Variants in ATP1B2 observed in about 807,000 individuals in gnomAD.
The protein encoded by ATP1B2 is sodium/potassium-transporting ATPase subunit beta-2.
Under a neutral mutation model 37.3 loss-of-function variants are expected in ATP1B2, and 12 were observed. The observed-to-expected ratio is 0.32, with a 90% confidence interval of 0.21 to 0.52. The LOEUF is 0.52. Among genes scored for constraint, ATP1B2 ranks in the 20% least tolerant of loss-of-function variants. The probability of loss-of-function intolerance (pLI) is 0.96; values close to 1 mark genes in which losing one functional copy is unlikely to be tolerated. For synonymous variants in ATP1B2, 139 were observed against 140.5 expected (o/e 0.99, Z 0.07); for missense variants, 324 against 391.6 (o/e 0.83, Z 1.46).
At chr17:7,646,724 TG>T (rs2072577933), upstream of ATP1B2, 1 of 152,102 alleles carries the variant, frequency 6.6e-6, no homozygotes, top group African/African-American at 2.4e-5. Flanking sequence ...TGTCTGCAAC[TG>T]AATATGTGAG....
In ATP1B2 at chr17:7,654,972, C is replaced by G. The variant is rs1008661012; in HGVS notation, c.609+288C>G. On this transcript the variant is annotated intron_variant, in intron 5 of 6. Transcript: ENST00000250111. This position sits in a 1 kb window ranked among gnomAD's most constrained non-coding sequence, Gnocchi z 4.9. ...TGGCCTCTGGCTTCTCTCCCTAACG[C>G]TTCCACCTTCTCCTTCATTCCCAGA... is the stretch of plus-strand genomic sequence containing the variant. Among the ~76,000 whole-genome samples, 1 of 152,162 alleles carries G rather than the reference C, an allele frequency of 6.6e-6. No individual in the cohort carries two copies. The highest frequency in any genetic ancestry group is 2.4e-5 in the African/African-American group (1 of 41,432).
chr17:7,654,009 G>A lies in ATP1B2; in HGVS notation c.347-43G>A. On this transcript the variant is annotated intron_variant, in intron 3 of 6. Coordinates refer to ENST00000250111, the MANE Select transcript of ATP1B2 (RefSeq NM_001678.5). The surrounding 1 kb of genome is among the most constrained non-coding windows in gnomAD (Gnocchi z 4.9). ...GGGCAGGGGACTGGGGACCTTGGAA[G>A]TGGAACATCTGGCCCCTGAGTCTCT... 6.2e-7 allele frequency: 1 copy of A among 1,612,620 alleles called. No homozygotes were observed. Among genetic ancestry groups the A allele is most frequent in the Non-Finnish European group, 8.5e-7 (1 of 1,178,652 alleles).
In ATP1B2 at chr17:7,656,041, C is replaced by G; in HGVS notation, c.*146C>G. 3 of 1,124,250 alleles carry G rather than the reference C, an allele frequency of 2.7e-6. No homozygotes were observed. Among genetic ancestry groups the G allele is most frequent in the Non-Finnish European group, 3.7e-6 (3 of 804,772 alleles). 69.6% of individuals were successfully genotyped at this position (1,124,250 alleles called of 1,614,324 possible). ...AGCCTCACATCCTTTTCCTTGACTT[C>G]TCAACCCAGCCTGAAGTCCATTGCG... On this transcript the variant is annotated 3_prime_UTR_variant, in exon 7 of 7. Transcript: ENST00000250111.
At chr17:7,647,506 A>C (rs1209906289), upstream of ATP1B2, among the ~76,000 whole-genome samples, 1 of 152,112 alleles carries the variant, frequency 6.6e-6, no homozygotes, top group African/African-American at 2.4e-5. Context: ...GTTTTTTAAG[A>C]GACCCCCCAT....
chr17:7,650,130 A>C (rs2072600683), upstream of ATP1B2, among the ~76,000 whole-genome samples: 1 of 152,192 alleles, frequency 6.6e-6, no homozygotes, highest in South Asian at 2.1e-4. Flanking sequence ...AGAGGTGCTC[A>C]ATAAATGTTT....
At position 7,656,022 on chromosome 17, in the gene ATP1B2, A is replaced by G; in HGVS notation, c.*127A>G. The G allele has an allele frequency of 3.8e-6, 5 of 1,301,308 alleles. No homozygotes were observed. Among genetic ancestry groups the G allele is most frequent in the Non-Finnish European group, 5.2e-6 (5 of 954,830 alleles). 80.6% of individuals were successfully genotyped at this position (1,301,308 alleles called of 1,614,324 possible). A position where few individuals can be genotyped will look rare whatever the true frequency, so the allele number is the denominator to read the frequency against. On this transcript the variant is annotated 3_prime_UTR_variant, in exon 7 of 7. Transcript: ENST00000250111. The stretch of plus-strand genomic sequence containing the variant: ...CAGAGCTATGACTTGTCTGAGCCTC[A>G]CATCCTTTTCCTTGACTTCTCAACC...
chr17:7,648,652 G>A (rs1372581529), upstream of ATP1B2, among the ~76,000 whole-genome samples: 1 of 150,920 alleles, frequency 6.6e-6, no homozygotes, highest in Non-Finnish European at 1.5e-5. Flanking sequence ...TTGAACAAGG[G>A]TCCCTGCATT....
rs1001528461 is a variant in ATP1B2 at position 7,655,992 on chromosome 17, G to T, written c.*97G>T. On this transcript the variant is annotated 3_prime_UTR_variant, in exon 7 of 7. Coordinates refer to ENST00000250111, the MANE Select transcript of ATP1B2 (RefSeq NM_001678.5). This position sits in a 1 kb window ranked among gnomAD's most constrained non-coding sequence, Gnocchi z 4.4. Reference sequence around the variant, plus strand: ...CCTCACCCACCCCAAAGGTATTTTTGATAACAGAGCTATGACTTGTCTGAG... The same window carrying T: ...CCTCACCCACCCCAAAGGTATTTTTTATAACAGAGCTATGACTTGTCTGAG... 4.7e-6 allele frequency: 7 copies of T among 1,478,832 alleles called. No individual in the cohort carries two copies. The African/African-American group carries it at 9.8e-5, about 21-fold the overall frequency. The allele number at this position is 1,478,832 out of a possible 1,614,324, so 91.6% of individuals were successfully genotyped here.
rs950425803 is a variant in ATP1B2, at chr17:7,655,173, C to T, written c.610-354C>T. Reference sequence around the variant, plus strand: ...TAGAAACTGGCTGCTCCCTCCACATCCCCTTCCTTGCTTCCTATTCAACCC... The same window carrying T: ...TAGAAACTGGCTGCTCCCTCCACATTCCCTTCCTTGCTTCCTATTCAACCC... On this transcript the variant is annotated intron_variant, in intron 5 of 6. Transcript: ENST00000250111. The surrounding 1 kb of genome is among the most constrained non-coding windows in gnomAD (Gnocchi z 4.4). The T allele has an allele frequency of 2.7e-6, 1 of 363,724 alleles. No homozygotes were observed. The highest frequency in any genetic ancestry group is 2.1e-5 in the African/African-American group (1 of 47,854). The allele number at this position is 363,724 out of a possible 1,614,324, so 22.5% of individuals were successfully genotyped here.
In ATP1B2 at chr17:7,654,171, C is replaced by G; in HGVS notation, c.466C>G (p.Gln156Glu). ...PKRACQFNRT[Q>E]LGNCSGIGDS... Reference sequence around the variant, plus strand: ...ACGTGCCTGCCAATTCAACCGGACCCAGCTGGGCAACTGCTCCGGCATTGG... The same window carrying G: ...ACGTGCCTGCCAATTCAACCGGACCGAGCTGGGCAACTGCTCCGGCATTGG... Residue 156 changes from glutamine (Q) to glutamate (E), a missense_variant, in exon 4 of 7, where the codon CAG becomes GAG. Gln to Glu is a conservative substitution (Grantham distance 29). Coordinates refer to ENST00000250111, the MANE Select transcript of ATP1B2 (RefSeq NM_001678.5). The surrounding 1 kb of genome is among the most constrained non-coding windows in gnomAD (Gnocchi z 4.9). 1 of 1,614,196 alleles carries G rather than the reference C, an allele frequency of 6.2e-7. No homozygotes were observed. The highest frequency in any genetic ancestry group is 8.5e-7 in the Non-Finnish European group (1 of 1,180,040).
intron 1 of ATP1B2, 109 bp downstream of exon 1, chr17:7,651,739 C>T: frequency 1.1e-6 from 1 of 952,250 alleles, no homozygotes. Flanking sequence ...CCCCGGCGTC[C>T]AGCCTCCCTG....
chr17:7,651,294 T>C lies in ATP1B2; in HGVS notation c.-225T>C, dbSNP rs879540892. ...CTGACAGCACCCCTTTTCATCGCAG[T>C]TGGGGGGCCTAGGATCGGTGCATCT... is the stretch of plus-strand genomic sequence containing the variant. On this transcript the variant is annotated 5_prime_UTR_variant, in exon 1 of 7. Coordinates refer to ENST00000250111, the MANE Select transcript of ATP1B2 (RefSeq NM_001678.5). 2.5e-5 allele frequency: 14 copies of C among 553,254 alleles called. No individual in the cohort carries two copies. The highest frequency in any genetic ancestry group is 3.6e-5 in the Non-Finnish European group (11 of 308,112). The allele number at this position is 553,254 out of a possible 1,614,324, so 34.3% of individuals were successfully genotyped here.
upstream of ATP1B2, among the ~76,000 whole-genome samples, chr17:7,647,415 A>G (rs1393549187): frequency 1.3e-5 from 2 of 152,192 alleles, no homozygotes; most frequent in Non-Finnish European, 2.9e-5. Context: ...CAATCCTAGC[A>G]CTTTGGGAGG....
At chr17:7,650,780 G>T (rs1258662192), upstream of ATP1B2, among the ~76,000 whole-genome samples, 1 of 152,082 alleles carries the variant, frequency 6.6e-6, no homozygotes, top group African/African-American at 2.4e-5. Context: ...GAGAAGTCAG[G>T]GGGGCGGGCC....
chr17:7,649,146 A>G (rs540918425), upstream of ATP1B2, among the ~76,000 whole-genome samples: 4 of 152,128 alleles, frequency 2.6e-5, no homozygotes, highest in South Asian at 8.3e-4. Flanking sequence ...TCCACCTTCC[A>G]GGTTCAAGCA....
chr17:7,654,941 A>C lies in ATP1B2; in HGVS notation c.609+257A>C. ...GCCAGACACACGCCCTCCTCCACCAACGCCCTGGCCTCTGGCTTCTCTCCC... is the reference window on the plus strand; with the variant it reads ...GCCAGACACACGCCCTCCTCCACCACCGCCCTGGCCTCTGGCTTCTCTCCC... On this transcript the variant is annotated intron_variant, in intron 5 of 6. Coordinates refer to ENST00000250111, the MANE Select transcript of ATP1B2 (RefSeq NM_001678.5). This position sits in a 1 kb window ranked among gnomAD's most constrained non-coding sequence, Gnocchi z 4.9. 1 of 477,686 alleles carries C rather than the reference A, an allele frequency of 2.1e-6. No homozygotes were observed. The highest frequency in any genetic ancestry group is 3.8e-6 in the Non-Finnish European group (1 of 263,818). The allele number at this position is 477,686 out of a possible 1,614,324, so 29.6% of individuals were successfully genotyped here.
chr17:7,656,143 C>T lies in ATP1B2; in HGVS notation c.*248C>T, dbSNP rs1032408896. On this transcript the variant is annotated 3_prime_UTR_variant, in exon 7 of 7. Coordinates refer to ENST00000250111, the MANE Select transcript of ATP1B2 (RefSeq NM_001678.5). The stretch of plus-strand genomic sequence containing the variant: ...ACAGGGAGCTGGGCTAAGATGGCCA[C>T]GGAGGAGTTAGGAGCCTTTCTAGTT... 4 of 565,010 alleles carry T rather than the reference C, an allele frequency of 7.1e-6. No homozygotes were observed. Among genetic ancestry groups the T allele is most frequent in the Non-Finnish European group, 1.3e-5 (4 of 317,816 alleles). 35.0% of individuals were successfully genotyped at this position (565,010 alleles called of 1,614,324 possible).
intron 2 of ATP1B2, 106 bp from the exon 3 acceptor site, chr17:7,653,735 A>G (rs2072629101): frequency 7.6e-7 from 1 of 1,309,822 alleles, no homozygotes; most frequent in Non-Finnish European, 1.1e-6. Context: ...GATCTCAGAT[A>G]TTCACCGCTG....
At chr17:7,651,720 C>A in intron 1 of ATP1B2, 90 bp downstream of exon 1, 1 of 1,162,298 alleles carries the variant, frequency 8.6e-7, no homozygotes, top group Non-Finnish European at 1.2e-6. Context: ...CCCAGCTCCC[C>A]TCCCGGGTCC....
Sources: allele counts gnomAD v4.1 joint callset (sites outside exome capture counted in the v4.1 genomes callset), GRCh38; gene constraint gnomAD v4.1.1; non-coding constraint Gnocchi (gnomAD v3.1); transcripts MANE v1.5; gene names NCBI Gene and HGNC (gene_info 2026-07-23, HGNC 2026-07-21).